SOX5: variants seen among roughly 807,000 people sequenced by gnomAD.
SOX5 encodes transcription factor SOX-5.
A neutral mutation model predicts 92.0 loss-of-function variants in SOX5; 9 were observed. That is an observed-to-expected ratio of 0.10 (90% CI 0.06 to 0.17). The LOEUF (loss-of-function observed/expected upper bound fraction) is 0.17, where lower values mean the gene tolerates loss of function less well. SOX5 is among the 10% of genes least tolerant of loss of function. SOX5 has a pLI of 1.00. For missense variants in SOX5, 642 were observed against 944.5 expected (o/e 0.68, Z 4.20); for synonymous variants, 344 against 336.3 (o/e 1.02, Z -0.25).
chr12:23,810,083 AC>A (rs2095850955), intron 3 of SOX5, among the ~76,000 whole-genome samples: 1 of 152,182 alleles, frequency 6.6e-6, no homozygotes, highest in African/African-American at 2.4e-5. Flanking sequence ...ACTAGAAGTA[AC>A]TATTGTTTCT....
intron 2 of SOX5, among the ~76,000 whole-genome samples, chr12:24,296,542 A>C (rs1595307930): frequency 6.6e-6 from 1 of 152,314 alleles, no homozygotes; most frequent in South Asian, 2.1e-4. Flanking sequence ...GTCACTTATA[A>C]GCATATGTGG....
At chr12:24,177,886 T>C (rs531659752) in intron 4 of SOX5, among the ~76,000 whole-genome samples, 1 of 152,356 alleles carries the variant, frequency 6.6e-6, no homozygotes, top group South Asian at 2.1e-4. Context: ...CCCAGGACTT[T>C]GTTTTAGTGT....
intron 7 of SOX5, among the ~76,000 whole-genome samples, chr12:23,648,901 T>C (rs1335830020): frequency 6.6e-6 from 1 of 152,198 alleles, no homozygotes; most frequent in Non-Finnish European, 1.5e-5. Context: ...TTTAATCATA[T>C]ATAGTTTCAA....
intron 4 of SOX5, among the ~76,000 whole-genome samples, chr12:24,026,341 C>CT (rs1455613874): frequency 6.6e-6 from 1 of 151,936 alleles, no homozygotes; most frequent in Non-Finnish European, 1.5e-5. Context: ...TATCCAAGAA[C>CT]TTTTTAAAAA....
At chr12:23,724,651 A>G (rs2140665244) in intron 6 of SOX5, among the ~76,000 whole-genome samples, 1 of 152,330 alleles carries the variant, frequency 6.6e-6, no homozygotes, top group East Asian at 1.9e-4. Flanking sequence ...AATCCTAGAT[A>G]TCCCTAGAAA....
intron 4 of SOX5, among the ~76,000 whole-genome samples, chr12:23,962,873 C>G (rs1042842096): frequency 3.3e-5 from 5 of 152,006 alleles, no homozygotes; most frequent in African/African-American, 1.2e-4. Context: ...TGACATTATG[C>G]CAAGGGCTGA....
At chr12:24,025,072 T>C (rs1592443394) in intron 4 of SOX5, among the ~76,000 whole-genome samples, 1 of 152,134 alleles carries the variant, frequency 6.6e-6, no homozygotes, top group East Asian at 1.9e-4. Context: ...CTAATAATGA[T>C]GTAAAGAAAC....
intron 4 of SOX5, among the ~76,000 whole-genome samples, chr12:24,170,189 T>C (rs987522080): frequency 1.1e-4 from 14 of 124,686 alleles, no homozygotes; most frequent in South Asian, 2.4e-4. Context: ...AGGAGGAACA[T>C]TGGAAAACAC....
At chr12:23,833,612 T>G (rs1414571377) in intron 3 of SOX5, among the ~76,000 whole-genome samples, 1 of 151,966 alleles carries the variant, frequency 6.6e-6, no homozygotes, top group Non-Finnish European at 1.5e-5. Flanking sequence ...AGTTTTCACT[T>G]GTATAAAAAT....
chr12:24,452,664 G>GGA (rs1440740223), intron 1 of SOX5, among the ~76,000 whole-genome samples: 1 of 152,138 alleles, frequency 6.6e-6, no homozygotes, highest in Non-Finnish European at 1.5e-5. Context: ...AGCTATAAGA[G>GGA]AAATTGATGG....
chr12:24,555,050 T>C (rs1032737366), intron 1 of SOX5, among the ~76,000 whole-genome samples: 4 of 152,208 alleles, frequency 2.6e-5, no homozygotes, highest in Non-Finnish European at 4.4e-5. Context: ...ATGGCAGTGA[T>C]CAAATCTAAG....
At chr12:24,165,217 A>C (rs77945651) in intron 4 of SOX5, among the ~76,000 whole-genome samples, 5,557 of 152,202 alleles carry the variant, frequency 0.037, 133 homozygotes, top group Non-Finnish European at 0.056. Flanking sequence ...ATGACAACAT[A>C]ATCAGTTTTT....
intron 9 of SOX5, among the ~76,000 whole-genome samples, chr12:23,597,393 T>C (rs1178458058): frequency 6.6e-6 from 1 of 152,212 alleles, no homozygotes; most frequent in Non-Finnish European, 1.5e-5. Context: ...ATGATCTATT[T>C]GGACATTTAA....
intron 1 of SOX5, among the ~76,000 whole-genome samples, chr12:24,394,160 T>C (rs980308740): frequency 6.6e-6 from 1 of 152,184 alleles, no homozygotes; most frequent in African/African-American, 2.4e-5. Flanking sequence ...CCTGCATTTC[T>C]CTTGGGCTAA....
chr12:23,987,127 T>C (rs1442584733), intron 4 of SOX5, among the ~76,000 whole-genome samples: 3 of 152,190 alleles, frequency 2.0e-5, no homozygotes, highest in Admixed American at 1.3e-4. Context: ...AAGATGTGAC[T>C]ATAACAGAAA....
At chr12:24,263,473 A>T (rs1942490550) in intron 3 of SOX5, among the ~76,000 whole-genome samples, 1 of 136,196 alleles carries the variant, frequency 7.3e-6, no homozygotes, top group African/African-American at 2.6e-5. Flanking sequence ...GCTTGCAGCG[A>T]ACCGAGGCCG....
chr12:24,508,876 G>T lies in SOX5; in HGVS notation c.-251+53453C>A, dbSNP rs182137046. On this transcript the variant is annotated intron_variant, in intron 1 of 4. Coordinates refer to the SOX5 transcript ENST00000446891. ...TAAAGCTCAGACTAAAAGGAGAACA[G>T]GGACCATGCAGCCACAGAAACAGAA... 1.7e-3 allele frequency among the ~76,000 whole-genome samples: 265 copies of T among 152,262 alleles called. 2 individuals carry two copies. Among genetic ancestry groups the T allele is most frequent in the Non-Finnish European group, 3.3e-3 (227 of 68,014 alleles).
chr12:24,545,605 T>C (rs1338938227), intron 1 of SOX5, among the ~76,000 whole-genome samples: 1 of 152,100 alleles, frequency 6.6e-6, no homozygotes, highest in African/African-American at 2.4e-5. Flanking sequence ...CAATTGCTAG[T>C]TCTTTGGCAT....
At chr12:24,466,407 G>T (rs1386131688) in intron 1 of SOX5, among the ~76,000 whole-genome samples, 1 of 152,030 alleles carries the variant, frequency 6.6e-6, no homozygotes, top group Non-Finnish European at 1.5e-5. Context: ...CACTGCACTT[G>T]GCCCCAGAAT....
Sources: gnomAD v4.1 joint callset for allele counts (sites outside exome capture counted in the v4.1 genomes callset) on GRCh38, gnomAD v4.1.1 for gene constraint, MANE v1.5 for transcripts, NCBI Gene and HGNC (gene_info 2026-07-23, HGNC 2026-07-21) for gene names.